ZNG1B: variants seen among roughly 807,000 people sequenced by gnomAD.
The protein encoded by ZNG1B is zinc-regulated GTPase metalloprotein activator 1B.
At chr2:113,467,012 T>C in the ZNG1B span, among the ~76,000 whole-genome samples, 1 of 138,364 alleles carries the variant, frequency 7.2e-6, no homozygotes, top group South Asian at 2.2e-4. Flanking sequence ...TGCAGTGAGC[T>C]GAGATCGCAC....
chr2:113,461,429 T>C, the ZNG1B span, among the ~76,000 whole-genome samples: 1 of 151,900 alleles, frequency 6.6e-6, no homozygotes, highest in African/African-American at 2.4e-5. Context: ...AATATGGTTA[T>C]TATAGAAAAT....
the ZNG1B span, among the ~76,000 whole-genome samples, chr2:113,490,343 A>T: frequency 6.6e-6 from 1 of 152,206 alleles, no homozygotes; most frequent in Non-Finnish European, 1.5e-5. Context: ...AACCTCTGGG[A>T]TACAGCAAAG....
At chr2:113,438,161 G>A in the ZNG1B span, 4 of 1,568,034 alleles carry the variant, frequency 2.6e-6, no homozygotes, top group African/African-American at 2.7e-5. Context: ...TGGGTCACTT[G>A]CTTCTCGTAT....
chr2:113,484,842 T>A, the ZNG1B span, among the ~76,000 whole-genome samples: 49 of 150,676 alleles, frequency 3.3e-4, no homozygotes, highest in Non-Finnish European at 7.0e-4. Context: ...TTTGTATTTT[T>A]TTTTTTTTTT....
At chr2:113,450,788 T>C in the ZNG1B span, among the ~76,000 whole-genome samples, 2 of 147,958 alleles carry the variant, frequency 1.4e-5, no homozygotes, top group Non-Finnish European at 3.0e-5. Flanking sequence ...ATGGGAAATA[T>C]TTTTAATACT....
the ZNG1B span, among the ~76,000 whole-genome samples, chr2:113,454,429 T>C: frequency 2.6e-5 from 4 of 151,486 alleles, no homozygotes; most frequent in Non-Finnish European, 4.4e-5. Context: ...ATTTGACTTA[T>C]ATTTTGGATT....
the ZNG1B span, among the ~76,000 whole-genome samples, chr2:113,449,478 C>T: frequency 6.8e-6 from 1 of 147,136 alleles, no homozygotes; most frequent in Non-Finnish European, 1.5e-5. Context: ...ATTAATTGGC[C>T]TAGTTTCATG....
At chr2:113,469,993 T>A in the ZNG1B span, 4 of 146,734 alleles carry the variant, frequency 2.7e-5, no homozygotes, top group African/African-American at 1.0e-4. Context: ...CTGCTGTTCT[T>A]TTTTTTTTTT....
chr2:113,461,150 G>A, the ZNG1B span, among the ~76,000 whole-genome samples: 5 of 150,520 alleles, frequency 3.3e-5, no homozygotes, highest in Admixed American at 6.6e-5. Context: ...AGGTTCAAGC[G>A]ATTCTCCTGC....
the ZNG1B span, chr2:113,444,048 T>TG: frequency 5.9e-6 from 3 of 512,678 alleles, no homozygotes; most frequent in Non-Finnish European, 1.1e-5. Flanking sequence ...CTTTTCTATC[T>TG]GCTCTAATGT....
At chr2:113,441,187 A>G in the ZNG1B span, among the ~76,000 whole-genome samples, 1 of 152,236 alleles carries the variant, frequency 6.6e-6, no homozygotes, top group African/African-American at 2.4e-5. Flanking sequence ...ATTTTGCAAC[A>G]GGTTTCAAAG....
At chr2:113,453,201 A>C in the ZNG1B span, 1 of 1,590,370 alleles carries the variant, frequency 6.3e-7, no homozygotes, top group Non-Finnish European at 8.5e-7. Flanking sequence ...CCTTGATGGT[A>C]AGTTAAAAAA....
the ZNG1B span, among the ~76,000 whole-genome samples, chr2:113,448,377 TTTA>T: frequency 6.6e-6 from 1 of 151,706 alleles, no homozygotes; most frequent in Non-Finnish European, 1.5e-5. Context: ...TCATCTAGGC[TTTA>T]TTATTTATAG....
the ZNG1B span, among the ~76,000 whole-genome samples, chr2:113,474,007 G>C: frequency 6.6e-6 from 1 of 151,346 alleles, no homozygotes; most frequent in Non-Finnish European, 1.5e-5. Flanking sequence ...CTCATAAAAT[G>C]AGTTAGGGAG....
the ZNG1B span, among the ~76,000 whole-genome samples, chr2:113,471,918 T>C: frequency 2.7e-5 from 4 of 147,450 alleles, no homozygotes; most frequent in Admixed American, 7.0e-5. Flanking sequence ...GTCTTTGCTA[T>C]TGTGAATAAT....
the ZNG1B span, among the ~76,000 whole-genome samples, chr2:113,438,393 G>A: frequency 6.6e-6 from 1 of 152,024 alleles, no homozygotes; most frequent in Admixed American, 6.5e-5. Flanking sequence ...AAACAGGGCC[G>A]GAACCACCTA....
At chr2:113,487,985 A>G in the ZNG1B span, among the ~76,000 whole-genome samples, 32,483 of 151,622 alleles carry the variant, frequency 0.21, 3,977 homozygotes, top group East Asian at 0.53. Context: ...AGCCCAACAC[A>G]TCACCTGTTC....
At chr2:113,445,098 T>C in the ZNG1B span, 1 of 1,602,330 alleles carries the variant, frequency 6.2e-7, no homozygotes, top group South Asian at 1.1e-5. Flanking sequence ...AGTTCTGTGA[T>C]ATACTGTAAA....
At chr2:113,472,801 T>G in the ZNG1B span, among the ~76,000 whole-genome samples, 32,972 of 151,372 alleles carry the variant, frequency 0.22, 4,025 homozygotes, top group East Asian at 0.52. Context: ...GTTGTAGATA[T>G]GCGGCGTTAT....
Sources: allele counts gnomAD v4.1 joint callset (sites outside exome capture counted in the v4.1 genomes callset), GRCh38; gene constraint gnomAD v4.1.1; transcripts MANE v1.5; gene names NCBI Gene and HGNC (gene_info 2026-07-23, HGNC 2026-07-21).